The following ZNF43 variants were observed in gnomAD, a reference collection of about 807,000 sequenced individuals.
ZNF43 encodes zinc finger protein 43.
ZNF43 carries 44 observed loss-of-function variants against 68.4 expected under a neutral mutation model. That is an observed-to-expected ratio of 0.64 (90% CI 0.51 to 0.83). The LOEUF is 0.83. Among genes scored for constraint, ZNF43 ranks in the 40% least tolerant of loss-of-function variants. ZNF43 has a pLI of 0.00. For missense variants in ZNF43, 896 were observed against 933.2 expected, an observed-to-expected ratio of 0.96 and a Z score of 0.52; for synonymous variants, 308 against 307.8, an observed-to-expected ratio of 1.00 and a Z score of -0.01.
At position 21,808,506 on chromosome 19, in the gene ZNF43, T is replaced by C. The variant is rs781707064; in HGVS notation, c.1531A>G (p.Lys511Glu). The change falls in exon 4 of 4, where the codon AAA (lysine) becomes GAA (glutamate). Residue 511 changes from lysine to glutamate, a missense_variant. Coordinates refer to ENST00000354959, the MANE Select transcript of ZNF43 (RefSeq NM_003423.4). ...KKIHIEKKPYKCEECGKAFKW... is the reference protein window; with the variant it reads ...KKIHIEKKPYECEECGKAFKW... ...AAAGCTTTGCCACATTCTTCACATTTGTAGGGTTTCTTTTCAATGTGAATT... is the reference window on the plus strand; with the variant it reads ...AAAGCTTTGCCACATTCTTCACATTCGTAGGGTTTCTTTTCAATGTGAATT... The C allele has an allele frequency of 6.2e-7, 1 of 1,613,248 alleles. No homozygotes were observed. Among genetic ancestry groups the C allele is most frequent in the Middle Eastern group, 1.7e-4 (1 of 6,054 alleles).
chr19:21,834,140 C>CA (rs1478274713), intron 1 of ZNF43, among the ~76,000 whole-genome samples: 1 of 151,490 alleles, frequency 6.6e-6, no homozygotes, highest in Non-Finnish European at 1.5e-5. Context: ...GAGTTCGAGA[C>CA]CAGCCTGGTC....
chr19:21,819,211 G>A lies in ZNF43; in HGVS notation c.14C>T (p.Thr5Ile). 2 of 1,594,904 alleles carry A rather than the reference G, an allele frequency of 1.3e-6. No homozygotes were observed. The highest frequency in any genetic ancestry group is 1.7e-6 in the Non-Finnish European group (2 of 1,174,274). The change falls in exon 2 of 4, where the codon ACA becomes ATA. Residue 5 changes from threonine (T) to isoleucine (I), a missense_variant. Transcript: ENST00000354959. ...GAATTCTATGGCCACATCCATAAAT[G>A]TCAATGGTCCCTAAAAAAAACAACA... MGPL[T>I]FMDVAIEFCL...
intron 1 of ZNF43, among the ~76,000 whole-genome samples, chr19:21,835,444 G>C (rs183177215): frequency 1.5e-5 from 2 of 136,604 alleles, no homozygotes; most frequent in Non-Finnish European, 3.1e-5. Context: ...TGCATCCTCC[G>C]CCTCCTGGGT....
intron 1 of ZNF43, among the ~76,000 whole-genome samples, chr19:21,825,963 C>T (rs2038100504): frequency 6.6e-6 from 1 of 152,096 alleles, no homozygotes; most frequent in Non-Finnish European, 1.5e-5. Context: ...GCAGAAGAAT[C>T]GCTTAAACCC....
chr19:21,831,938 C>T (rs1297266025), intron 1 of ZNF43, among the ~76,000 whole-genome samples: 1 of 152,146 alleles, frequency 6.6e-6, no homozygotes, highest in Non-Finnish European at 1.5e-5. Context: ...GAAAAGGTAT[C>T]ATTAAAATGG....
At chr19:21,820,703 A>G (rs1419047782) in intron 1 of ZNF43, among the ~76,000 whole-genome samples, 1 of 152,230 alleles carries the variant, frequency 6.6e-6, no homozygotes, top group Non-Finnish European at 1.5e-5. Flanking sequence ...GTGCTGATGC[A>G]CGCAAAAAGA....
chr19:21,823,531 C>G (rs1429344787), intron 1 of ZNF43, among the ~76,000 whole-genome samples: 1 of 149,316 alleles, frequency 6.7e-6, no homozygotes, highest in Non-Finnish European at 1.5e-5. Context: ...TGACCCAGAG[C>G]TGACTGCCCA....
chr19:21,826,487 C>T (rs2038126823), intron 1 of ZNF43: 1 of 152,186 alleles, frequency 6.6e-6, no homozygotes, highest in Non-Finnish European at 1.5e-5. Flanking sequence ...AGCAGGCTCA[C>T]TAAGCCTGAG....
chr19:21,823,379 G>C (rs7256996), intron 1 of ZNF43, among the ~76,000 whole-genome samples: 29,606 of 152,050 alleles, frequency 0.19, 3,348 homozygotes, highest in Non-Finnish European at 0.25. Context: ...TCTTACACAA[G>C]ATGAGAAACA....
upstream of ZNF43, chr19:21,836,277 C>A (rs929561801): frequency 9.8e-6 from 13 of 1,331,808 alleles, no homozygotes; most frequent in Admixed American, 3.2e-5. Flanking sequence ...TGGATAACTT[C>A]TAAGGTCCTG....
intron 1 of ZNF43, among the ~76,000 whole-genome samples, chr19:21,821,082 A>G (rs942686977): frequency 3.5e-5 from 5 of 142,864 alleles, no homozygotes; most frequent in African/African-American, 1.1e-4. Context: ...TGATCCACCC[A>G]CCTCGGCCTC....
At position 21,806,772 on chromosome 19, in the gene ZNF43, G is replaced by GT. The variant is rs1459639559; in HGVS notation, c.*834dup. On this transcript the variant is annotated 3_prime_UTR_variant, in exon 4 of 4. Transcript: ENST00000354959. ...TATCCACCAAGTTTTATTTTGTGTT[G>GT]TTTTCTGTACTTAGCACTGATTTAG... 1 of 152,020 alleles carries GT rather than the reference G, an allele frequency of 6.6e-6. No homozygotes were observed. Among genetic ancestry groups the GT allele is most frequent in the Non-Finnish European group, 1.5e-5 (1 of 67,990 alleles). The allele number at this position is 152,020 out of a possible 1,614,324, so 9.4% of individuals were successfully genotyped here.
chr19:21,836,120 T>C lies in ZNF43; in HGVS notation c.-82A>G, dbSNP rs1305827403. 1.0e-5 allele frequency: 16 copies of C among 1,607,864 alleles called. No homozygotes were observed. The highest frequency in any genetic ancestry group is 1.3e-5 in the African/African-American group (1 of 74,754). ...GTCACAGAGCCACAGAGGCTGGACCTCTAGCAGCAGAGGACACAGAAGAAC... is the reference window on the plus strand; with the variant it reads ...GTCACAGAGCCACAGAGGCTGGACCCCTAGCAGCAGAGGACACAGAAGAAC... On this transcript the variant is annotated 5_prime_UTR_variant, in exon 1 of 4. Coordinates refer to ENST00000354959, the MANE Select transcript of ZNF43 (RefSeq NM_003423.4).
intron 1 of ZNF43, among the ~76,000 whole-genome samples, chr19:21,827,996 G>A (rs962826689): frequency 2.0e-5 from 3 of 151,998 alleles, no homozygotes; most frequent in Admixed American, 6.6e-5. Flanking sequence ...GTGGCCACCT[G>A]ACCTGTTTTT....
upstream of ZNF43, among the ~76,000 whole-genome samples, chr19:21,839,363 A>G (rs1021135959): frequency 6.9e-6 from 1 of 145,096 alleles, no homozygotes; most frequent in Non-Finnish European, 1.5e-5. Context: ...AAAAGAGATC[A>G]CATAACCTAA....
At chr19:21,836,372 G>C (rs1193808619), upstream of ZNF43, among the ~76,000 whole-genome samples, 1 of 152,220 alleles carries the variant, frequency 6.6e-6, no homozygotes, top group Non-Finnish European at 1.5e-5. Flanking sequence ...GCCTTTTCAG[G>C]CAGGGCTTCC....
intron 3 of ZNF43, among the ~76,000 whole-genome samples, chr19:21,815,683 T>C (rs1352505549): frequency 6.6e-6 from 1 of 152,062 alleles, no homozygotes; most frequent in African/African-American, 2.4e-5. Context: ...ATTATCTAAT[T>C]TACTTCAGAC....
intron 1 of ZNF43, among the ~76,000 whole-genome samples, chr19:21,833,362 G>A (rs1168575010): frequency 6.6e-6 from 1 of 152,034 alleles, no homozygotes; most frequent in African/African-American, 2.4e-5. Flanking sequence ...GGCCTCCCAG[G>A]TTCAAGCGAT....
intron 1 of ZNF43, among the ~76,000 whole-genome samples, chr19:21,829,032 C>CAAAAAAAAAAAAAAA (rs551226809): frequency 3.3e-4 from 13 of 38,812 alleles, no homozygotes; most frequent in African/African-American, 6.2e-4. Context: ...GACTCTGTCT[C>CAAAAAAAAAAAAAAA]AAAAAAAAAA....
Sources: allele counts gnomAD v4.1 joint callset (sites outside exome capture counted in the v4.1 genomes callset), GRCh38; gene constraint gnomAD v4.1.1; transcripts MANE v1.5; gene names NCBI Gene and HGNC (gene_info 2026-07-23, HGNC 2026-07-21).